Variants in CD81 observed in about 807,000 individuals in gnomAD.
CD81 encodes CD81 molecule.
Under a neutral mutation model 30.1 loss-of-function variants are expected in CD81, and 10 were observed. That is an observed-to-expected ratio of 0.33 (90% CI 0.21 to 0.56). The LOEUF (loss-of-function observed/expected upper bound fraction) is 0.56, where lower values mean the gene tolerates loss of function less well. CD81 is among the 20% of genes least tolerant of loss of function. The probability of loss-of-function intolerance (pLI) is 0.89; values close to 1 mark genes in which losing one functional copy is unlikely to be tolerated. For missense variants in CD81, 263 were observed against 308.7 expected, an observed-to-expected ratio of 0.85 and a Z score of 1.11; for synonymous variants, 147 against 126.4, an observed-to-expected ratio of 1.16 and a Z score of -1.10.
rs1275903549 is a variant in CD81, at chr11:2,385,709, G to A, written c.67-4703G>A. ...TGGCGTGCCCGTCGTCTGTGCACCC[G>A]TGCTGTGGTGTGCCCTTCGTCTGTT... On this transcript the variant is annotated intron_variant, in intron 1 of 7. Coordinates refer to ENST00000263645, the MANE Select transcript of CD81 (RefSeq NM_004356.4). 2.4e-5 allele frequency: 9 copies of A among 376,562 alleles called. No homozygotes were observed. The East Asian group carries it at 2.6e-4, about 11-fold the overall frequency. The allele number at this position is 376,562 out of a possible 1,614,324, so 23.3% of individuals were successfully genotyped here.
At chr11:2,395,339 G>A (rs1034489802) in intron 4 of CD81, 77 bp from the exon 5 acceptor site, 137 of 1,195,974 alleles carry the variant, frequency 1.1e-4, no homozygotes, top group South Asian at 6.4e-5. Flanking sequence ...GGAAAAGTGC[G>A]TCCGCCTGGG....
intron 6 of CD81, 41 bp from the exon 7 acceptor site, chr11:2,396,587 A>C: frequency 6.5e-7 from 1 of 1,530,936 alleles, no homozygotes; most frequent in Non-Finnish European, 9.0e-7. Context: ...CCGGGAGCCG[A>C]GGCCCGGTCC....
At chr11:2,390,968 C>T (rs1256318417) in intron 2 of CD81, 5 of 290,514 alleles carry the variant, frequency 1.7e-5, no homozygotes, top group Admixed American at 4.6e-5. Flanking sequence ...GGGGTGGAGA[C>T]GCCCCAGAGG....
intron 3 of CD81, 172 bp from the exon 4 acceptor site, chr11:2,394,800 T>C (rs1849966998): frequency 1.4e-6 from 1 of 697,508 alleles, no homozygotes; most frequent in Non-Finnish European, 2.6e-6. Flanking sequence ...GCGCTGAGTT[T>C]TAGCCTCTGT....
intron 1 of CD81, among the ~76,000 whole-genome samples, chr11:2,380,771 A>G (rs1318282586): frequency 6.6e-6 from 1 of 152,150 alleles, no homozygotes; most frequent in South Asian, 2.1e-4. Context: ...TCATCTGTGT[A>G]ATGGATATAA....
At position 2,377,824 on chromosome 11, in the gene CD81, G is replaced by A; in HGVS notation, c.66+209G>A. 1 of 273,854 alleles carries A rather than the reference G, an allele frequency of 3.7e-6. No homozygotes were observed. Among genetic ancestry groups the A allele is most frequent in the Non-Finnish European group, 6.9e-6 (1 of 144,034 alleles). The allele number at this position is 273,854 out of a possible 1,614,324, so 17.0% of individuals were successfully genotyped here. ...CTGAGGGCTGCGAGCCGAGTTTCGGGGCCTCTGTGCTCGGGGGCCCACCTC... is the reference window on the plus strand; with the variant it reads ...CTGAGGGCTGCGAGCCGAGTTTCGGAGCCTCTGTGCTCGGGGGCCCACCTC... On this transcript the variant is annotated intron_variant, in intron 1 of 7. Coordinates refer to ENST00000263645, the MANE Select transcript of CD81 (RefSeq NM_004356.4). This position sits in a 1 kb window ranked among gnomAD's most constrained non-coding sequence, Gnocchi z 7.7.
At chr11:2,393,397 G>A (rs1849934814) in intron 2 of CD81, 1 of 159,470 alleles carries the variant, frequency 6.3e-6, no homozygotes, top group Admixed American at 6.0e-5. Context: ...AGTTCGGGAG[G>A]GCTGGCCTAC....
At chr11:2,386,072 G>A (rs1301128171) in intron 1 of CD81, 1 of 717,284 alleles carries the variant, frequency 1.4e-6, no homozygotes, top group African/African-American at 1.7e-5. Flanking sequence ...ATGTGGTGTG[G>A]TTGGTCTTTT....
intron 1 of CD81, among the ~76,000 whole-genome samples, chr11:2,387,845 T>C (rs1278908364): frequency 6.6e-6 from 1 of 152,148 alleles, no homozygotes; most frequent in Non-Finnish European, 1.5e-5. Context: ...CCATCCTCGC[T>C]AAACCAAAGT....
Position 2,395,900 on chromosome 11 carries a change from C to CTTT in CD81, c.492_494dup (p.Ala164_Leu165insPhe). The CTTT allele has an allele frequency of 6.2e-7, 1 of 1,612,250 alleles. No individual in the cohort carries two copies. The highest frequency in any genetic ancestry group is 8.5e-7 in the Non-Finnish European group (1 of 1,179,538). On this transcript the variant is annotated inframe_insertion, in exon 6 of 8. Coordinates refer to ENST00000263645, the MANE Select transcript of CD81 (RefSeq NM_004356.4). Reference sequence around the variant, plus strand: ...TGCTGTGGCTCCAGCACACTGACTGCTTTGACCACCTCAGTGCTCAAGAAC... The same window carrying CTTT: ...TGCTGTGGCTCCAGCACACTGACTGCTTTTTTGACCACCTCAGTGCTCAAGAAC...
chr11:2,393,631 C>T, intron 2 of CD81: 2 of 536,684 alleles, frequency 3.7e-6, no homozygotes, highest in Non-Finnish European at 6.7e-6. Flanking sequence ...GTTCCGGTTC[C>T]TGGGCTGCCC....
chr11:2,394,873 G>T, intron 3 of CD81, 99 bp from the exon 4 acceptor site: 2 of 1,094,512 alleles, frequency 1.8e-6, no homozygotes, highest in South Asian at 1.2e-5. Flanking sequence ...GCTCCCACTA[G>T]CCCCTCACAG....
At chr11:2,387,842 C>T (rs1033835908) in intron 1 of CD81, among the ~76,000 whole-genome samples, 1 of 152,148 alleles carries the variant, frequency 6.6e-6, no homozygotes, top group South Asian at 2.1e-4. Flanking sequence ...CTGCCATCCT[C>T]GCTAAACCAA....
intron 1 of CD81, among the ~76,000 whole-genome samples, chr11:2,389,498 C>T (rs75621665): frequency 0.03 from 4,547 of 152,134 alleles, 242 homozygotes; most frequent in African/African-American, 0.1. Context: ...TGGGCCTGGT[C>T]TGGGGCCCAG....
chr11:2,381,824 C>G (rs1384601379), intron 1 of CD81, among the ~76,000 whole-genome samples: 1 of 152,230 alleles, frequency 6.6e-6, no homozygotes, highest in African/African-American at 2.4e-5. Context: ...CAAGAAGAAC[C>G]AGGCTCTCCC....
rs971860163 is a variant in CD81 at position 2,386,681 on chromosome 11, T to A, written c.67-3731T>A. The A allele has an allele frequency of 4.2e-6, 3 of 708,420 alleles. No homozygotes were observed. The African/African-American group carries it at 5.3e-5, about 12-fold the overall frequency. 43.9% of individuals were successfully genotyped at this position (708,420 alleles called of 1,614,324 possible). ...GTGCCTGGCACTCCTTCTTGCCCCA[T>A]TTTTCCACCCAGGGTGGCTCCCGAC... On this transcript the variant is annotated intron_variant, in intron 1 of 7. Transcript: ENST00000263645.
chr11:2,393,777 T>C (rs546125507), intron 2 of CD81: 21 of 610,646 alleles, frequency 3.4e-5, no homozygotes, highest in African/African-American at 2.2e-4. Context: ...GGGTGGTGGG[T>C]GTGGCAGGTG....
At chr11:2,389,574 G>A (rs540011508) in intron 1 of CD81, among the ~76,000 whole-genome samples, 1 of 152,116 alleles carries the variant, frequency 6.6e-6, no homozygotes, top group Non-Finnish European at 1.5e-5. Flanking sequence ...GGCGTTGAAG[G>A]CCTCTCCTCT....
At chr11:2,388,958 G>A (rs547969122) in intron 1 of CD81, among the ~76,000 whole-genome samples, 3 of 152,284 alleles carry the variant, frequency 2.0e-5, no homozygotes, top group South Asian at 4.1e-4. Flanking sequence ...GGCTGTGCAC[G>A]GCTCATCTGC....
Sources: allele counts gnomAD v4.1 joint callset (sites outside exome capture counted in the v4.1 genomes callset), GRCh38; gene constraint gnomAD v4.1.1; non-coding constraint Gnocchi (gnomAD v3.1); transcripts MANE v1.5; gene names NCBI Gene and HGNC (gene_info 2026-07-23, HGNC 2026-07-21).